The following NCKAP1 variants were observed in gnomAD, a reference collection of about 807,000 sequenced individuals.
NCKAP1 encodes the protein NCK associated protein 1.
Under a neutral mutation model 151.2 loss-of-function variants are expected in NCKAP1, and 21 were observed. The ratio of observed to expected loss-of-function variants is 0.14; its 90% CI spans 0.10 to 0.20. NCKAP1 has a LOEUF of 0.20. Ranked by LOEUF, NCKAP1 falls within the 10% of genes least tolerant of loss-of-function variation. NCKAP1 has a pLI of 1.00. For missense variants in NCKAP1, 933 were observed against 1,352.1 expected (o/e 0.69, Z 4.86); for synonymous variants, 484 against 451.8 (o/e 1.07, Z -0.90).
At chr2:183,023,975 A>T in intron 1 of NCKAP1, 59 bp from the exon 2 acceptor site, 1 of 1,209,168 alleles carries the variant, frequency 8.3e-7, no homozygotes, top group Non-Finnish European at 1.2e-6. Context: ...AATCAAAAAT[A>T]GCAAATCTGC....
At chr2:182,942,027 C>A in intron 24 of NCKAP1, 43 bp downstream of exon 24, 1 of 1,495,244 alleles carries the variant, frequency 6.7e-7, no homozygotes, top group South Asian at 1.2e-5. Flanking sequence ...TACTGAGTAT[C>A]AAGATCTTCT....
intron 6 of NCKAP1, among the ~76,000 whole-genome samples, chr2:182,996,248 T>C (rs1404980187): frequency 6.6e-6 from 1 of 152,244 alleles, no homozygotes; most frequent in African/African-American, 2.4e-5. Flanking sequence ...TTAATAAAAC[T>C]CAACATGCTT....
intron 23 of NCKAP1, among the ~76,000 whole-genome samples, chr2:182,943,573 A>C (rs550074795): frequency 6.6e-6 from 1 of 152,238 alleles, no homozygotes; most frequent in East Asian, 1.9e-4. Flanking sequence ...CACTTTAAAC[A>C]TCGTATCACA....
chr2:183,036,653 C>G lies in NCKAP1; in HGVS notation c.108+1339G>C, dbSNP rs182799534. 6.8e-4 allele frequency among the ~76,000 whole-genome samples: 103 copies of G among 152,288 alleles called. 2 individuals carry two copies. In the East Asian group the frequency reaches 9.8e-3, roughly 15 times the overall value. On this transcript the variant is annotated intron_variant, in intron 1 of 30. Coordinates refer to ENST00000361354, the MANE Select transcript of NCKAP1 (RefSeq NM_013436.5). ...TGTTGCAGTTACTCTCCAGATAGCA[C>G]TGGGTTTAGAGTAATAAAGCCTTGC... is the stretch of plus-strand genomic sequence containing the variant.
chr2:182,910,956 C>CG lies in NCKAP1; in HGVS notation c.*14745_*14746insC, dbSNP rs1553507039. The CG allele has an allele frequency of 2.7e-5, 4 of 147,974 alleles. No homozygotes were observed. The highest frequency in any genetic ancestry group is 9.9e-5 in the African/African-American group (4 of 40,596). The allele number at this position is 147,974 out of a possible 1,614,324, so 9.2% of individuals were successfully genotyped here. On this transcript the variant is annotated 3_prime_UTR_variant, in exon 31 of 31. Coordinates refer to ENST00000361354, the MANE Select transcript of NCKAP1 (RefSeq NM_013436.5). ...TAAAAATAAAATCCTAAGCTCCCCCCCCACATTTGACTAAACAGACCCTCT... is the reference window on the plus strand; with the variant it reads ...TAAAAATAAAATCCTAAGCTCCCCCCGCCACATTTGACTAAACAGACCCTCT...
At chr2:183,026,692 G>A (rs1698904093) in intron 1 of NCKAP1, among the ~76,000 whole-genome samples, 2 of 151,894 alleles carry the variant, frequency 1.3e-5, no homozygotes, top group Admixed American at 6.6e-5. Context: ...CATGGGACCT[G>A]GAATATATTA....
chr2:183,031,527 T>C (rs1180248532), intron 1 of NCKAP1, among the ~76,000 whole-genome samples: 1 of 152,110 alleles, frequency 6.6e-6, no homozygotes, highest in Admixed American at 6.5e-5. Context: ...AATAGAATAG[T>C]GAGGAATGTT....
chr2:182,983,902 G>A (rs1280271684), intron 10 of NCKAP1, among the ~76,000 whole-genome samples: 2 of 151,802 alleles, frequency 1.3e-5, no homozygotes, highest in Non-Finnish European at 2.9e-5. Flanking sequence ...GGTGTGGTGG[G>A]TGCCTGTAAT....
chr2:182,978,918 G>A lies in NCKAP1; in HGVS notation c.1342-3C>T. 6.2e-7 allele frequency: 1 copy of A among 1,602,812 alleles called. No individual in the cohort carries two copies. Among genetic ancestry groups the A allele is most frequent in the South Asian group, 1.1e-5 (1 of 89,776 alleles). Reference sequence around the variant, plus strand: ...TCTTCAGGGCAAACAGAAAGATTCTGAAAAACAAACAAAAAGTAACGTTAA... The same window carrying A: ...TCTTCAGGGCAAACAGAAAGATTCTAAAAAACAAACAAAAAGTAACGTTAA... On this transcript the variant is annotated splice_region_variant and splice_polypyrimidine_tract_variant and intron_variant, in intron 13 of 30. Coordinates refer to ENST00000361354, the MANE Select transcript of NCKAP1 (RefSeq NM_013436.5).
chr2:182,950,186 C>A (rs928358683), intron 23 of NCKAP1, among the ~76,000 whole-genome samples: 8 of 152,056 alleles, frequency 5.3e-5, no homozygotes, highest in Non-Finnish European at 1.0e-4. Context: ...AGCAGAAGGC[C>A]AGATCCTTGC....
intron 12 of NCKAP1, 67 bp downstream of exon 12, chr2:182,982,754 A>G: frequency 5.8e-6 from 6 of 1,038,258 alleles, no homozygotes; most frequent in Non-Finnish European, 8.4e-6. Context: ...CTATCAGGAC[A>G]TAACCCCATT....
At chr2:182,987,819 C>T (rs1053403653) in intron 9 of NCKAP1, among the ~76,000 whole-genome samples, 2 of 152,024 alleles carry the variant, frequency 1.3e-5, no homozygotes, top group African/African-American at 4.8e-5. Context: ...ACTGACAGAT[C>T]ACTGCCATAA....
At chr2:182,970,874 T>TCC (rs61219379) in intron 15 of NCKAP1, among the ~76,000 whole-genome samples, 1 of 151,396 alleles carries the variant, frequency 6.6e-6, no homozygotes, top group Non-Finnish European at 1.5e-5. Context: ...ACCTAAAGAC[T>TCC]ATTAAAACTG....
intron 2 of NCKAP1, among the ~76,000 whole-genome samples, chr2:183,018,520 T>C (rs1427589994): frequency 6.6e-6 from 1 of 152,174 alleles, no homozygotes; most frequent in Non-Finnish European, 1.5e-5. Flanking sequence ...AGGGCCTCCC[T>C]ACACCTATCA....
chr2:182,938,771 T>C (rs1467221754), intron 24 of NCKAP1, among the ~76,000 whole-genome samples: 2 of 152,124 alleles, frequency 1.3e-5, no homozygotes, highest in Non-Finnish European at 2.9e-5. Context: ...TAAGGGAGAA[T>C]GCACTAACCA....
In NCKAP1 at chr2:182,989,037, T is replaced by G. The variant is rs571379360; in HGVS notation, c.940A>C (p.Ile314Leu). Reference protein sequence around the residue: ...HKAAEDLFVNIRGYNKRINDI... With the variant: ...HKAAEDLFVNLRGYNKRINDI... ...TAAATGAAAATGCCATACCCTCGTA[T>G]GTTTACAAATAAGTCTTCTGCAGCT... Residue 314 changes from isoleucine (I) to leucine (L), a missense_variant, in exon 9 of 31, where the codon ATA becomes CTA. By Grantham distance (5) the Ile-to-Leu change is conservative. This residue lies in a region of NCKAP1 where 607 missense variants were observed against 795.0 expected (regional missense o/e 0.76). Transcript: ENST00000361354. 1.9e-6 allele frequency: 3 copies of G among 1,610,098 alleles called. No homozygotes were observed. The East Asian group carries it at 6.7e-5, about 36-fold the overall frequency.
intron 10 of NCKAP1, among the ~76,000 whole-genome samples, chr2:182,984,974 C>T (rs1698021606): frequency 1.3e-5 from 2 of 152,128 alleles, no homozygotes; most frequent in Non-Finnish European, 2.9e-5. Flanking sequence ...ATATGTCTGC[C>T]TATAGTAGCG....
chr2:182,912,949 T>C lies in NCKAP1; in HGVS notation c.*12753A>G, dbSNP rs1004656071. Reference sequence around the variant, plus strand: ...TATGTTTTTGCTAATGGCATCATACTAATTTTCCAATGCATTCACCTATCC... The same window carrying C: ...TATGTTTTTGCTAATGGCATCATACCAATTTTCCAATGCATTCACCTATCC... On this transcript the variant is annotated 3_prime_UTR_variant, in exon 31 of 31. Coordinates refer to ENST00000361354, the MANE Select transcript of NCKAP1 (RefSeq NM_013436.5). 4.6e-5 allele frequency: 7 copies of C among 152,310 alleles called. No homozygotes were observed. The East Asian group carries it at 9.7e-4, about 21-fold the overall frequency. 9.4% of individuals were successfully genotyped at this position (152,310 alleles called of 1,614,324 possible).
chr2:182,978,438 T>C (rs985629579), intron 14 of NCKAP1, among the ~76,000 whole-genome samples: 1 of 152,130 alleles, frequency 6.6e-6, no homozygotes, highest in African/African-American at 2.4e-5. Flanking sequence ...TCCAAATCTG[T>C]CAAAAGTAAT....
Sources: gnomAD v4.1 joint callset for allele counts (sites outside exome capture counted in the v4.1 genomes callset) on GRCh38, gnomAD v4.1.1 for gene constraint, gnomAD v4.1.1 regional missense constraint, MANE v1.5 for transcripts, NCBI Gene and HGNC (gene_info 2026-07-23, HGNC 2026-07-21) for gene names.